Variants in CCDC7 observed in about 807,000 individuals in gnomAD.
The protein encoded by CCDC7 is coiled-coil domain containing 7, also known as coiled-coil domain-containing protein 7.
Under a neutral mutation model 196.9 loss-of-function variants are expected in CCDC7, and 183 were observed. The observed-to-expected ratio is 0.93, with a 90% CI of 0.82 to 1.05. The LOEUF (loss-of-function observed/expected upper bound fraction) is 1.05, where lower values mean the gene tolerates loss of function less well. Among genes scored for constraint, CCDC7 ranks in the 50% least tolerant of loss-of-function variants. The pLI is 0.00. For synonymous variants in CCDC7, 525 were observed against 484.6 expected (o/e 1.08, Z -1.10); for missense variants, 1,540 against 1,482.2 (o/e 1.04, Z -0.64).
At chr10:32,595,949 T>A (rs1314172172) in intron 18 of CCDC7, among the ~76,000 whole-genome samples, 7 of 152,082 alleles carry the variant, frequency 4.6e-5, no homozygotes, top group East Asian at 1.9e-4. Flanking sequence ...TGCTGAGGAG[T>A]GCTTTACTTC....
intron 28 of CCDC7, among the ~76,000 whole-genome samples, chr10:32,765,737 AT>A (rs1163524309): frequency 1.3e-5 from 2 of 152,052 alleles, no homozygotes; most frequent in East Asian, 3.8e-4. Flanking sequence ...ATCTCAGAAA[AT>A]AACAGTGGAT....
chr10:32,658,861 A>G (rs75066979), intron 20 of CCDC7, among the ~76,000 whole-genome samples: 5,896 of 152,184 alleles, frequency 0.039, 119 homozygotes, highest in Middle Eastern at 0.051. Context: ...AATAGTCATA[A>G]TTTTTTGTAT....
At chr10:32,494,802 G>A (rs1025069285) in intron 9 of CCDC7, among the ~76,000 whole-genome samples, 4 of 152,108 alleles carry the variant, frequency 2.6e-5, no homozygotes, top group African/African-American at 4.8e-5. Context: ...TCATTGATGG[G>A]CACTTGGGTT....
intron 41 of CCDC7, among the ~76,000 whole-genome samples, chr10:32,858,008 A>G (rs1037229299): frequency 6.6e-6 from 1 of 152,130 alleles, no homozygotes; most frequent in Non-Finnish European, 1.5e-5. Context: ...ACTATATGCC[A>G]ACAAATTGGA....
chr10:32,631,843 T>C (rs1344557874), intron 18 of CCDC7, among the ~76,000 whole-genome samples: 1 of 152,122 alleles, frequency 6.6e-6, no homozygotes, highest in Non-Finnish European at 1.5e-5. Context: ...GTATTTTTAG[T>C]ATACAGGACT....
chr10:32,695,169 C>T (rs1206314935), intron 24 of CCDC7, among the ~76,000 whole-genome samples, 177 bp downstream of exon 25: 1 of 152,088 alleles, frequency 6.6e-6, no homozygotes, highest in Non-Finnish European at 1.5e-5. Flanking sequence ...GTTGGAATTT[C>T]TGGTCTTGAG....
intron 11 of CCDC7, among the ~76,000 whole-genome samples, chr10:32,534,063 A>G (rs548905596): frequency 2.1e-4 from 31 of 150,120 alleles, no homozygotes; most frequent in African/African-American, 7.3e-4. Flanking sequence ...ATAATTTTCT[A>G]TATCTTGAAG....
chr10:32,719,188 T>C (rs758284358), intron 25 of CCDC7, among the ~76,000 whole-genome samples: 1 of 152,038 alleles, frequency 6.6e-6, no homozygotes. Flanking sequence ...TATAGACCAA[T>C]GGAACAGAAC....
chr10:32,699,300 G>C (rs1234320677), intron 24 of CCDC7, among the ~76,000 whole-genome samples: 2 of 147,664 alleles, frequency 1.4e-5, no homozygotes, highest in Non-Finnish European at 3.0e-5. Context: ...GAGAACATGT[G>C]GTGTTTGGTT....
Position 32,785,310 on chromosome 10 carries a change from C to G in CCDC7, c.3013+6226C>G, listed in dbSNP as rs1407059364. Among the ~76,000 whole-genome samples, 5 of 151,978 alleles carry G rather than the reference C, an allele frequency of 3.3e-5. No homozygotes were observed. In the South Asian group the frequency reaches 1.0e-3, roughly 31 times the overall value. On this transcript the variant is annotated intron_variant, in intron 29 of 41. Coordinates refer to ENST00000639629, the Ensembl canonical transcript of CCDC7. ...TCACATTTTCTATGATGCAATAAAA[C>G]AGAACTAAATGATAAAAAAGATAAA... is the stretch of plus-strand genomic sequence containing the variant.
intron 18 of CCDC7, among the ~76,000 whole-genome samples, chr10:32,610,705 G>A (rs556150646): frequency 1.3e-5 from 2 of 152,296 alleles, no homozygotes; most frequent in African/African-American, 4.8e-5. Flanking sequence ...AGGTTGCTGA[G>A]AATAATGGTT....
intron 11 of CCDC7, among the ~76,000 whole-genome samples, chr10:32,534,710 G>T (rs2050197288): frequency 6.6e-6 from 1 of 152,006 alleles, no homozygotes; most frequent in Admixed American, 6.6e-5. Context: ...AGGCTGGCCA[G>T]GGATTTGGGC....
At chr10:32,803,979 A>G (rs919999740) in intron 29 of CCDC7, among the ~76,000 whole-genome samples, 1 of 152,106 alleles carries the variant, frequency 6.6e-6, no homozygotes, top group Non-Finnish European at 1.5e-5. Context: ...ATACACTCCT[A>G]ATCACTACTT....
chr10:32,720,377 A>G (rs1412988543), intron 25 of CCDC7, among the ~76,000 whole-genome samples: 1 of 151,970 alleles, frequency 6.6e-6, no homozygotes, highest in Non-Finnish European at 1.5e-5. Flanking sequence ...AACAATGAGA[A>G]CATATGGGCA....
intron 18 of CCDC7, among the ~76,000 whole-genome samples, chr10:32,589,684 G>A (rs1235321616): frequency 1.1e-4 from 17 of 152,052 alleles, no homozygotes; most frequent in Admixed American, 1.1e-3. Flanking sequence ...TTGGGTCTAT[G>A]TCTTTCTTTA....
At chr10:32,861,141 T>C (rs2504007) in intron 41 of CCDC7, among the ~76,000 whole-genome samples, 47,361 of 138,988 alleles carry the variant, frequency 0.34, 9,913 homozygotes, top group Non-Finnish European at 0.49. Flanking sequence ...AAAAGAAAGC[T>C]GAAGGCATCA....
chr10:32,824,707 G>A, intron 32 of CCDC7, 103 bp downstream of exon 33: 7 of 653,242 alleles, frequency 1.1e-5, no homozygotes, highest in Non-Finnish European at 1.5e-5. Flanking sequence ...ATTATCACGT[G>A]AGAAAAAGTC....
rs1565634419 is a variant in CCDC7 at position 32,828,492 on chromosome 10, GAAGAAGAAGAAGAA to G, written c.3268+3889_3268+3902del. The stretch of plus-strand genomic sequence containing the variant: ...GGAAGAGGAAGAGGAAGAGGAAGAA[GAAGAAGAAGAAGAA>G]GAAGAAGAAGAAGAAGAAGAAGAAG... On this transcript the variant is annotated intron_variant, in intron 32 of 41. Coordinates refer to ENST00000639629, the Ensembl canonical transcript of CCDC7. Among the ~76,000 whole-genome samples, 188 of 89,920 alleles carry G rather than the reference GAAGAAGAAGAAGAA, an allele frequency of 2.1e-3. 3 individuals carry two copies. The highest frequency in any genetic ancestry group is 7.1e-3 in the African/African-American group (164 of 22,984). The allele number at this position is 89,920 out of a possible 152,430, so 59.0% of individuals were successfully genotyped here.
At chr10:32,644,840 T>C (rs1368310257) in intron 20 of CCDC7, among the ~76,000 whole-genome samples, 1 of 152,246 alleles carries the variant, frequency 6.6e-6, no homozygotes, top group East Asian at 1.9e-4. Context: ...ATTAAACCTC[T>C]TTCTTTTGTA....
Sources: gnomAD v4.1 joint callset for allele counts (sites outside exome capture counted in the v4.1 genomes callset) on GRCh38, gnomAD v4.1.1 for gene constraint, MANE v1.5 for transcripts, NCBI Gene and HGNC (gene_info 2026-07-23, HGNC 2026-07-21) for gene names.